Variants in ARHGEF18 observed in about 807,000 individuals in gnomAD.
ARHGEF18 encodes Rho/Rac guanine nucleotide exchange factor 18.
Under a neutral mutation model 155.7 loss-of-function variants are expected in ARHGEF18, and 93 were observed. That is an observed-to-expected ratio of 0.60 (90% CI 0.50 to 0.71). The LOEUF (loss-of-function observed/expected upper bound fraction) is 0.71, where lower values mean the gene tolerates loss of function less well. ARHGEF18 is among the 30% of genes least tolerant of loss of function. The pLI is 0.00. For synonymous variants in ARHGEF18, 742 were observed against 753.1 expected, an observed-to-expected ratio of 0.99 and a Z score of 0.24; for missense variants, 1,593 against 1,816.1, an observed-to-expected ratio of 0.88 and a Z score of 2.23.
In ARHGEF18 at chr19:7,460,000, C is replaced by A. The variant is rs372481931; in HGVS notation, c.2452+6C>A. ...GAGACTCCGGGACTTTCAAGGTGAG[C>A]GGGAGACAGCGTCTGGGCACACCCC... On this transcript the variant is annotated splice_donor_region_variant and intron_variant, in intron 20 of 28. Coordinates refer to ENST00000668164, the MANE Select transcript of ARHGEF18 (RefSeq NM_001367823.1). 23 of 1,565,928 alleles carry A rather than the reference C, an allele frequency of 1.5e-5. No homozygotes were observed. The African/African-American group carries it at 3.0e-4, about 20-fold the overall frequency.
intron 2 of ARHGEF18, among the ~76,000 whole-genome samples, chr19:7,367,353 C>T (rs1421558209): frequency 6.6e-6 from 1 of 152,072 alleles, no homozygotes; most frequent in Non-Finnish European, 1.5e-5. Flanking sequence ...TCTGTAATTC[C>T]AGCACTTTGG....
At chr19:7,465,407 A>AC (rs1333271714) in intron 23 of ARHGEF18, among the ~76,000 whole-genome samples, 3 of 128,348 alleles carry the variant, frequency 2.3e-5, no homozygotes, top group African/African-American at 8.9e-5. Context: ...TGGGAGGATC[A>AC]CTTTTTTTTT....
rs143287922 is a variant in ARHGEF18, at chr19:7,451,193, G to A, written c.1782G>A (p.Glu594=). Residue 594 remains glutamate, a synonymous_variant, in exon 16 of 29, where the codon GAG becomes GAA. Transcript: ENST00000668164. ...TCGTGCGGCGGCTTGGCGTGCAGGA[G>A]TGCATTCTCCTGGTTACACAACGCA... is the stretch of plus-strand genomic sequence containing the variant. ...FSIVRRLGVQ[E]CILLVTQRIT... 5.6e-4 allele frequency: 898 copies of A among 1,614,018 alleles called. 4 individuals carry two copies. In the African/African-American group the frequency reaches 9.9e-3, roughly 18 times the overall value.
chr19:7,377,986 G>A (rs1970540574), intron 5 of ARHGEF18, among the ~76,000 whole-genome samples: 2 of 152,012 alleles, frequency 1.3e-5, no homozygotes, highest in South Asian at 2.1e-4. Context: ...CCAGCTACTC[G>A]GGAGGCTGAG....
chr19:7,420,286 A>G (rs1025825130), intron 10 of ARHGEF18, among the ~76,000 whole-genome samples: 2 of 152,174 alleles, frequency 1.3e-5, no homozygotes, highest in East Asian at 3.9e-4. Context: ...ATTTTGAGAC[A>G]GGATCTTGCT....
At chr19:7,367,639 G>C (rs1008065543) in intron 2 of ARHGEF18, among the ~76,000 whole-genome samples, 1 of 149,724 alleles carries the variant, frequency 6.7e-6, no homozygotes, top group Non-Finnish European at 1.5e-5. Flanking sequence ...CCAGCTACTC[G>C]GGAGACTGAG....
At chr19:7,386,456 G>C (rs966507858) in intron 10 of ARHGEF18, among the ~76,000 whole-genome samples, 1 of 127,230 alleles carries the variant, frequency 7.9e-6, no homozygotes, top group African/African-American at 2.5e-5. Context: ...CTAGTGGCAG[G>C]GTAGGAATGC....
intron 22 of ARHGEF18, 68 bp from the exon 23 acceptor site, chr19:7,464,492 T>C: frequency 6.5e-7 from 1 of 1,541,060 alleles, no homozygotes; most frequent in South Asian, 1.2e-5. Context: ...GGGCTGGGGG[T>C]GGACTGGGAA....
At position 7,377,781 on chromosome 19, in the gene ARHGEF18, G is replaced by A. The variant is rs546117789; in HGVS notation, c.542-613G>A. Among the ~76,000 whole-genome samples, 6 of 117,332 alleles carry A rather than the reference G, an allele frequency of 5.1e-5. No homozygotes were observed. In the East Asian group the frequency reaches 1.1e-3, roughly 21 times the overall value. The allele number at this position is 117,332 out of a possible 152,430, so 77.0% of individuals were successfully genotyped here. On this transcript the variant is annotated intron_variant, in intron 5 of 28. Transcript: ENST00000668164. ...CCGCTCTGGGTGACAGAGTGAAACC[G>A]TCTCAAAAAAAAAAAAAAAAAGGCC...
intron 20 of ARHGEF18, among the ~76,000 whole-genome samples, chr19:7,460,642 C>T (rs954428038): frequency 2.6e-5 from 4 of 152,062 alleles, no homozygotes; most frequent in East Asian, 3.9e-4. Context: ...AGTCACACCG[C>T]GCGGCCTTTT....
intron 10 of ARHGEF18, among the ~76,000 whole-genome samples, chr19:7,432,188 T>A (rs1974005889): frequency 6.6e-6 from 1 of 152,194 alleles, no homozygotes; most frequent in Non-Finnish European, 1.5e-5. Context: ...CTCATCGATT[T>A]AGTCTATTCC....
chr19:7,438,079 CCT>C (rs1974385858), intron 10 of ARHGEF18, among the ~76,000 whole-genome samples: 5 of 137,536 alleles, frequency 3.6e-5, no homozygotes, highest in African/African-American at 1.4e-4. Context: ...CCTCCCCTCC[CCT>C]CCCTTCCCCT....
rs1970473011 is a variant in ARHGEF18 at position 7,376,640 on chromosome 19, C to A, written c.427-3C>A. The A allele has an allele frequency of 8.1e-7, 1 of 1,233,688 alleles. No homozygotes were observed. The highest frequency in any genetic ancestry group is 1.0e-6 in the Non-Finnish European group (1 of 987,598). The allele number at this position is 1,233,688 out of a possible 1,614,324, so 76.4% of individuals were successfully genotyped here. A position where few individuals can be genotyped will look rare whatever the true frequency, so the allele number is the denominator to read the frequency against. On this transcript the variant is annotated splice_region_variant and splice_polypyrimidine_tract_variant and intron_variant, in intron 4 of 28. Coordinates refer to ENST00000668164, the MANE Select transcript of ARHGEF18 (RefSeq NM_001367823.1). Reference sequence around the variant, plus strand: ...GCTTAGTGAGATGTTTAATCCCCTGCAGGAATGTGACAGCCCCAAGAAAAG... The same window carrying A: ...GCTTAGTGAGATGTTTAATCCCCTGAAGGAATGTGACAGCCCCAAGAAAAG...
At chr19:7,418,917 C>T (rs1044400801) in intron 10 of ARHGEF18, among the ~76,000 whole-genome samples, 13 of 152,066 alleles carry the variant, frequency 8.5e-5, no homozygotes, top group African/African-American at 3.1e-4. Flanking sequence ...GTTCAGTAAG[C>T]ACCAGGGAAT....
At chr19:7,472,597 G>A (rs527469866), downstream of ARHGEF18, 236 of 184,308 alleles carry the variant, frequency 1.3e-3, no homozygotes, top group African/African-American at 5.2e-3. Flanking sequence ...CCCTCAGCTC[G>A]CTCACCTGCC....
Position 7,441,986 on chromosome 19 carries a change from G to A in ARHGEF18, c.1294G>A (p.Ala432Thr), listed in dbSNP as rs1421608652. 5.6e-6 allele frequency: 9 copies of A among 1,613,962 alleles called. No homozygotes were observed. The highest frequency in any genetic ancestry group is 1.7e-5 in the Admixed American group (1 of 59,978). Residue 432 changes from alanine to threonine, a missense_variant, in exon 13 of 29, where the codon GCC becomes ACC. Physicochemically the swap from Ala to Thr is moderately conservative, Grantham distance 58. Coordinates refer to ENST00000668164, the MANE Select transcript of ARHGEF18 (RefSeq NM_001367823.1). Reference protein sequence around the residue: ...HEFEAESWSLAVDAAYAKKQK... With the variant: ...HEFEAESWSLTVDAAYAKKQK... ...GTTTGAAGCTGAGTCCTGGAGCCTC[G>A]CCGTGGATGCAGCCTACGCCAAGAA...
At chr19:7,422,601 T>G (rs1210443279) in intron 10 of ARHGEF18, among the ~76,000 whole-genome samples, 1 of 151,844 alleles carries the variant, frequency 6.6e-6, no homozygotes, top group Non-Finnish European at 1.5e-5. Context: ...CTATTGGCGA[T>G]CCCATCATCC....
At chr19:7,361,448 C>T (rs375590634) in intron 1 of ARHGEF18, among the ~76,000 whole-genome samples, 10 of 151,990 alleles carry the variant, frequency 6.6e-5, no homozygotes, top group Non-Finnish European at 2.9e-5. Flanking sequence ...AAAAAAGAGA[C>T]TGCATAACAG....
intron 10 of ARHGEF18, among the ~76,000 whole-genome samples, chr19:7,413,294 C>CTT (rs71179106): frequency 1.4e-5 from 2 of 138,290 alleles, no homozygotes; most frequent in African/African-American, 2.7e-5. Context: ...AAACAAAAAG[C>CTT]TTTTTTTTTT....
Sources: gnomAD v4.1 joint callset for allele counts (sites outside exome capture counted in the v4.1 genomes callset) on GRCh38, gnomAD v4.1.1 for gene constraint, MANE v1.5 for transcripts, NCBI Gene and HGNC (gene_info 2026-07-23, HGNC 2026-07-21) for gene names.